Variants in UAP1L1 observed in about 807,000 individuals in gnomAD.
UAP1L1 encodes UDP-N-acetylglucosamine pyrophosphorylase 1 like 1, also known as UDP-N-acetylhexosamine pyrophosphorylase-like protein 1.
Under a neutral mutation model 45.3 loss-of-function variants are expected in UAP1L1, and 45 were observed. That is an observed-to-expected ratio of 0.99 (90% confidence interval 0.78 to 1.27). UAP1L1 has a LOEUF of 1.27. Ranked by LOEUF, UAP1L1 falls within the 50% of genes most tolerant of loss-of-function variation. The pLI, the probability that UAP1L1 is intolerant of heterozygous loss-of-function variation, is 0.00. For missense variants in UAP1L1, 667 were observed against 694.0 expected (o/e 0.96, Z 0.44); for synonymous variants, 323 against 303.9 (o/e 1.06, Z -0.65).
Position 137,079,131 on chromosome 9 carries a change from G to T in UAP1L1, c.826G>T (p.Ala276Ser). The T allele has an allele frequency of 6.2e-7, 1 of 1,610,652 alleles. No individual in the cohort carries two copies. Among genetic ancestry groups the T allele is most frequent in the Non-Finnish European group, 8.5e-7 (1 of 1,179,288 alleles). The change falls in exon 4 of 9, where the codon GCA (alanine) becomes TCA (serine). Residue 276 changes from alanine (A) to serine (S), a missense_variant. Transcript: ENST00000409858. The stretch of plus-strand genomic sequence containing the variant: ...CATCGGCTTCTGTGTGTTGCAGGGC[G>T]CAGACTGTGGCGCCAAGGTTAGCGC... The part of the protein sequence containing the change: ...VFIGFCVLQG[A>S]DCGAKVVEKA...
rs371592658 is a variant in UAP1L1, at chr9:137,082,077, C to T, written c.1431+13C>T. ...TTACTCTGGAGAGGTGAGAGCTGCC[C>T]ATCCCTATCTGGGGCTTTTCTGGTG... On this transcript the variant is annotated intron_variant, in intron 8 of 8. Coordinates refer to ENST00000409858, the MANE Select transcript of UAP1L1 (RefSeq NM_207309.3). This position sits in a 1 kb window ranked among gnomAD's most constrained non-coding sequence, Gnocchi z 5.7. 6.8e-6 allele frequency: 11 copies of T among 1,613,700 alleles called. No homozygotes were observed. The highest frequency in any genetic ancestry group is 9.3e-6 in the Non-Finnish European group (11 of 1,179,716).
chr9:137,084,137 A>G lies in UAP1L1; in HGVS notation c.*1408A>G, dbSNP rs1178914662. On this transcript the variant is annotated 3_prime_UTR_variant, in exon 9 of 9. Transcript: ENST00000409858. ...CTTCTCATAGCTGTTCCTCATGGCC[A>G]TGACTGGAACAGGGATGCAACCTCT... The G allele has an allele frequency of 6.6e-6, 1 of 152,102 alleles. No homozygotes were observed. The highest frequency in any genetic ancestry group is 6.5e-5 in the Admixed American group (1 of 15,280). The allele number at this position is 152,102 out of a possible 1,614,324, so 9.4% of individuals were successfully genotyped here.
In UAP1L1 at chr9:137,080,681, C is replaced by G; in HGVS notation, c.1179-8C>G. ...TGGGACGTGGGTGACTAGCCCTTTC[C>G]CCACCAGGAACTTTGCTGCCTTGGA... On this transcript the variant is annotated splice_polypyrimidine_tract_variant and splice_region_variant and intron_variant, in intron 6 of 8. Transcript: ENST00000409858. The G allele has an allele frequency of 6.2e-7, 1 of 1,606,268 alleles. No homozygotes were observed. The highest frequency in any genetic ancestry group is 8.5e-7 in the Non-Finnish European group (1 of 1,176,446).
chr9:137,078,291 C>G (rs756044402), intron 2 of UAP1L1, 37 bp downstream of exon 2: 31 of 1,515,644 alleles, frequency 2.0e-5, no homozygotes, highest in Admixed American at 4.0e-5. Flanking sequence ...CCGGAGGTAC[C>G]CTTCCCCACG....
rs1191304393 is a variant in UAP1L1 at position 137,083,535 on chromosome 9, G to T, written c.*806G>T. 1 of 152,322 alleles carries T rather than the reference G, an allele frequency of 6.6e-6. No individual in the cohort carries two copies. The allele number at this position is 152,322 out of a possible 1,614,324, so 9.4% of individuals were successfully genotyped here. A position where few individuals can be genotyped will look rare whatever the true frequency, so the allele number is the denominator to read the frequency against. On this transcript the variant is annotated 3_prime_UTR_variant, in exon 9 of 9. Transcript: ENST00000409858. ...AGAACCAGTGGGATCAATGCCGGCG[G>T]CCTCTGTGATGGTTGCTGACTAATC...
chr9:137,080,254 C>T (rs1832770052), intron 6 of UAP1L1, 112 bp downstream of exon 6: 15 of 1,412,630 alleles, frequency 1.1e-5, no homozygotes, highest in African/African-American at 2.8e-5. Flanking sequence ...AAGGGCCCCG[C>T]GGGCAAGTCT....
rs1303534123 is a variant in UAP1L1 at position 137,084,256 on chromosome 9, G to GTGAC, written c.*1528_*1531dup. On this transcript the variant is annotated 3_prime_UTR_variant, in exon 9 of 9. Transcript: ENST00000409858. ...GTTGCCCAGGCTGGAGTGAAGTGGC[G>GTGAC]TGACCTTGGCTCACTGCAACCTCCA... 6.6e-6 allele frequency: 1 copy of GTGAC among 152,158 alleles called. No individual in the cohort carries two copies. Among genetic ancestry groups the GTGAC allele is most frequent in the African/African-American group, 2.4e-5 (1 of 41,400 alleles). The allele number at this position is 152,158 out of a possible 1,614,324, so 9.4% of individuals were successfully genotyped here. A position where few individuals can be genotyped will look rare whatever the true frequency, so the allele number is the denominator to read the frequency against.
intron 2 of UAP1L1, 62 bp downstream of exon 2, chr9:137,078,316 C>T (rs1476002546): frequency 1.3e-6 from 2 of 1,512,676 alleles, no homozygotes; most frequent in African/African-American, 1.4e-5. Flanking sequence ...CCCACATCCC[C>T]GCTCCAGACG....
chr9:137,080,159 A>C lies in UAP1L1; in HGVS notation c.1178+17A>C. 6.2e-7 allele frequency: 1 copy of C among 1,612,992 alleles called. No homozygotes were observed. Among genetic ancestry groups the C allele is most frequent in the Middle Eastern group, 1.7e-4 (1 of 6,054 alleles). ...GTTTGCTAAGTTAGTAGTAGAACTCATTTATTTTCCCCTTCTTCCTTCTCT... is the reference window on the plus strand; with the variant it reads ...GTTTGCTAAGTTAGTAGTAGAACTCCTTTATTTTCCCCTTCTTCCTTCTCT... On this transcript the variant is annotated intron_variant, in intron 6 of 8. Coordinates refer to ENST00000409858, the MANE Select transcript of UAP1L1 (RefSeq NM_207309.3).
chr9:137,082,053 T>C lies in UAP1L1; in HGVS notation c.1420T>C (p.Tyr474His), dbSNP rs764610643. 50 of 1,613,880 alleles carry C rather than the reference T, an allele frequency of 3.1e-5. No homozygotes were observed. Among genetic ancestry groups the C allele is most frequent in the Non-Finnish European group, 3.6e-5 (42 of 1,179,986 alleles). ...CTGTGAGATATCGCCCTTGGTGTCT[T>C]ACTCTGGAGAGGTGAGAGCTGCCCA... ...AICEISPLVS[Y>H]SGEGLEVYLQ... The change falls in exon 8 of 9, where the codon TAC becomes CAC. Residue 474 changes from tyrosine (Y) to histidine (H), a missense_variant. Transcript: ENST00000409858. This position sits in a 1 kb window ranked among gnomAD's most constrained non-coding sequence, Gnocchi z 5.7.
At position 137,078,200 on chromosome 9, in the gene UAP1L1, G is replaced by A. The variant is rs1832724173; in HGVS notation, c.440G>A (p.Arg147Gln). ...TLYQLQAERI[R>Q]RVEQLAGERH... Reference sequence around the variant, plus strand: ...TACCAGCTGCAGGCGGAGCGGATTCGGCGGGTGGAGCAGCTGGCCGGTGAG... The same window carrying A: ...TACCAGCTGCAGGCGGAGCGGATTCAGCGGGTGGAGCAGCTGGCCGGTGAG... The change falls in exon 2 of 9, where the codon CGG becomes CAG. Residue 147 changes from arginine to glutamine, a missense_variant. Physicochemically the swap from Arg to Gln is conservative, Grantham distance 43. Coordinates refer to ENST00000409858, the MANE Select transcript of UAP1L1 (RefSeq NM_207309.3). 1 of 1,549,084 alleles carries A rather than the reference G, an allele frequency of 6.5e-7. No individual in the cohort carries two copies. The highest frequency in any genetic ancestry group is 1.2e-5 in the South Asian group (1 of 83,992).
In UAP1L1 at chr9:137,078,600, A is replaced by G. The variant is rs1336893874; in HGVS notation, c.593A>G (p.Glu198Gly). ...HLDPANVVMF[E>G]QRLLPAVTFD... ...GACCCCGCCAACGTGGTCATGTTTG[A>G]GCAGCGCCTGCTGCCTGCTGTGACC... Residue 198 changes from glutamate to glycine, a missense_variant, in exon 3 of 9, where the codon GAG becomes GGG. By Grantham distance (98) the Glu-to-Gly change is moderately conservative. Coordinates refer to ENST00000409858, the MANE Select transcript of UAP1L1 (RefSeq NM_207309.3). The G allele has an allele frequency of 6.2e-7, 1 of 1,613,144 alleles. No homozygotes were observed. The highest frequency in any genetic ancestry group is 8.5e-7 in the Non-Finnish European group (1 of 1,180,012).
In UAP1L1 at chr9:137,081,997, G is replaced by A; in HGVS notation, c.1365-1G>A. On this transcript the variant is annotated splice_acceptor_variant, in intron 7 of 8. Transcript: ENST00000409858. LOFTEE classifies it high-confidence loss of function. The stretch of plus-strand genomic sequence containing the variant: ...GATATTGACAAGTGGACTTTCCCTA[G>A]CTTGCCCCCAAATGGAGACCCTCCG... 7 of 1,614,022 alleles carry A rather than the reference G, an allele frequency of 4.3e-6. No homozygotes were observed. The highest frequency in any genetic ancestry group is 5.9e-6 in the Non-Finnish European group (7 of 1,179,994).
rs1832836738 is a variant in UAP1L1, at chr9:137,084,348, G to T, written c.*1619G>T. 1 of 152,188 alleles carries T rather than the reference G, an allele frequency of 6.6e-6. No homozygotes were observed. Among genetic ancestry groups the T allele is most frequent in the Non-Finnish European group, 1.5e-5 (1 of 68,058 alleles). The allele number at this position is 152,188 out of a possible 1,614,324, so 9.4% of individuals were successfully genotyped here. A position where few individuals can be genotyped will look rare whatever the true frequency, so the allele number is the denominator to read the frequency against. ...CACTACCACGCCTGGCTAATTCTTTGTATTTTTAGTAGAGATGGGGTTTGA... is the reference window on the plus strand; with the variant it reads ...CACTACCACGCCTGGCTAATTCTTTTTATTTTTAGTAGAGATGGGGTTTGA... On this transcript the variant is annotated 3_prime_UTR_variant, in exon 9 of 9. Transcript: ENST00000409858.
At chr9:137,080,235 G>C in intron 6 of UAP1L1, 93 bp downstream of exon 6, 1 of 1,538,832 alleles carries the variant, frequency 6.5e-7, no homozygotes, top group Non-Finnish European at 8.9e-7. Flanking sequence ...GTAGAGGCTT[G>C]AGGGAGCCAA....
chr9:137,081,823 T>C (rs956598884), intron 7 of UAP1L1, among the ~76,000 whole-genome samples, 175 bp from the exon 8 acceptor site: 2 of 152,156 alleles, frequency 1.3e-5, no homozygotes, highest in Non-Finnish European at 2.9e-5. Flanking sequence ...TCCTGTCACT[T>C]GGCAGTGGGA....
At chr9:137,081,462 C>T (rs375791323) in intron 7 of UAP1L1, among the ~76,000 whole-genome samples, 17 of 152,108 alleles carry the variant, frequency 1.1e-4, no homozygotes, top group African/African-American at 3.1e-4. Context: ...CTGCCCGCCT[C>T]GGCCTCGCAA....
At chr9:137,081,199 T>C (rs1259264468) in intron 7 of UAP1L1, among the ~76,000 whole-genome samples, 1 of 152,118 alleles carries the variant, frequency 6.6e-6, no homozygotes, top group East Asian at 1.9e-4. Flanking sequence ...TATTTATTTT[T>C]ATTTTTATTT....
chr9:137,079,930 G>T, intron 5 of UAP1L1, 72 bp from the exon 6 acceptor site: 12 of 1,568,634 alleles, frequency 7.6e-6, no homozygotes, highest in African/African-American at 1.4e-5. Flanking sequence ...GTGCTCAGAA[G>T]TGGGGACAGA....
Sources: gnomAD v4.1 joint callset for allele counts (sites outside exome capture counted in the v4.1 genomes callset) on GRCh38, gnomAD v4.1.1 for gene constraint, Gnocchi (gnomAD v3.1) non-coding constraint, MANE v1.5 for transcripts, NCBI Gene and HGNC (gene_info 2026-07-23, HGNC 2026-07-21) for gene names.